The following MICALL2 variants were observed in gnomAD, a reference collection of about 807,000 sequenced individuals.
MICALL2 encodes the protein MICAL-like protein 2.
Under a neutral mutation model 91.1 loss-of-function variants are expected in MICALL2, and 111 were observed. The observed-to-expected ratio is 1.22, with a 90% confidence interval of 1.04 to 1.43. MICALL2 has a LOEUF of 1.43. MICALL2 is among the 40% of genes most tolerant of loss of function. The pLI, the probability that MICALL2 is intolerant of heterozygous loss-of-function variation, is 0.00. For missense variants in MICALL2, 1,556 were observed against 1,236.0 expected (o/e 1.26, Z -3.88); for synonymous variants, 694 against 525.3 (o/e 1.32, Z -4.39).
intron 16 of MICALL2, 152 bp from the exon 17 acceptor site, chr7:1,434,824 C>T (rs1038264782): frequency 7.4e-5 from 62 of 837,288 alleles, no homozygotes; most frequent in Non-Finnish European, 1.0e-4. Flanking sequence ...TGCCCTCCCA[C>T]GTGAGAACCT....
intron 14 of MICALL2, 48 bp from the exon 15 acceptor site, chr7:1,436,904 C>A: frequency 7.2e-7 from 1 of 1,381,686 alleles, no homozygotes; most frequent in South Asian, 1.3e-5. Context: ...ACTGCCATGC[C>A]CCTCACAGGA....
rs1396172162 is a variant in MICALL2, at chr7:1,437,641, CT to C, written c.2403-34del. Reference sequence around the variant, plus strand: ...ACAGACACGCGTCTGAGGCCTGACTCTGCCGCCCTGTCCCCCGCCTGGCCCG... The same window carrying C: ...ACAGACACGCGTCTGAGGCCTGACTCGCCGCCCTGTCCCCCGCCTGGCCCG... On this transcript the variant is annotated intron_variant, in intron 13 of 16. Transcript: ENST00000297508. 3.9e-6 allele frequency: 6 copies of C among 1,535,062 alleles called. No homozygotes were observed. The Admixed American group carries it at 1.2e-4, about 30-fold the overall frequency.
At position 1,440,056 on chromosome 7, in the gene MICALL2, A is replaced by T. The variant is rs757844706; in HGVS notation, c.1835T>A (p.Leu612Gln). 1.9e-6 allele frequency: 3 copies of T among 1,585,956 alleles called. No homozygotes were observed. The highest frequency in any genetic ancestry group is 2.6e-6 in the Non-Finnish European group (3 of 1,171,110). ...GGCCTCCCCCGCCCTCGGCTCTGCCAGGGCCCGTGGTTCCTTGGGCTTCAG... is the reference window on the plus strand; with the variant it reads ...GGCCTCCCCCGCCCTCGGCTCTGCCTGGGCCCGTGGTTCCTTGGGCTTCAG... ...RTLKPKEPRA[L>Q]AEPRAGEAPR... Residue 612 changes from leucine (L) to glutamine (Q), a missense_variant, in exon 9 of 17, where the codon CTG (leucine) becomes CAG (glutamine). Coordinates refer to ENST00000297508, the MANE Select transcript of MICALL2 (RefSeq NM_182924.4).
Position 1,438,995 on chromosome 7 carries a change from G to A in MICALL2, c.1967C>T (p.Ala656Val), listed in dbSNP as rs758955008. Residue 656 changes from alanine (A) to valine (V), a missense_variant and splice_region_variant, in exon 10 of 17, where the codon GCC becomes GTC. Ala to Val is a moderately conservative substitution (Grantham distance 64). Coordinates refer to ENST00000297508, the MANE Select transcript of MICALL2 (RefSeq NM_182924.4). ...RPASPGPSLP[A>V]RSPSPPRRRR... Reference sequence around the variant, plus strand: ...GCGGCGGGGTGGGGAGGGGGACCTGGCTGCCCCCAGGTGGGGAGACAGAGC... The same window carrying A: ...GCGGCGGGGTGGGGAGGGGGACCTGACTGCCCCCAGGTGGGGAGACAGAGC... 2.5e-6 allele frequency: 4 copies of A among 1,591,432 alleles called. No homozygotes were observed. In the Admixed American group the frequency reaches 5.0e-5, roughly 20 times the overall value.
Position 1,445,059 on chromosome 7 carries a change from G to A in MICALL2, c.1011C>T (p.Arg337=), listed in dbSNP as rs1450848068. The change falls in exon 6 of 17, where the codon CGC becomes CGT. Residue 337 remains arginine, a synonymous_variant. Coordinates refer to ENST00000297508, the MANE Select transcript of MICALL2 (RefSeq NM_182924.4). ...TCGGGGAGCTATTGGTCACACGAGG[G>A]CGGACTTTCCCCTCCGTGGGAGTGG... The part of the protein sequence containing the change: ...LAPTPTEGKV[R]PRVTNSSPMG... 1.3e-6 allele frequency: 2 copies of A among 1,548,018 alleles called. No homozygotes were observed. Among genetic ancestry groups the A allele is most frequent in the African/African-American group, 1.4e-5 (1 of 73,076 alleles).
chr7:1,440,570 C>A (rs1780232889), intron 8 of MICALL2, 21 bp downstream of exon 8: 1 of 1,606,472 alleles, frequency 6.2e-7, no homozygotes, highest in Non-Finnish European at 8.5e-7. Context: ...AGGCCCTGGG[C>A]CAGCCCCACC....
chr7:1,439,789 C>T, intron 9 of MICALL2, 136 bp downstream of exon 9: 1 of 663,982 alleles, frequency 1.5e-6, no homozygotes, highest in Non-Finnish European at 2.3e-6. Flanking sequence ...CCCAGGACTA[C>T]CAGCTTCTCT....
intron 3 of MICALL2, among the ~76,000 whole-genome samples, 192 bp downstream of exon 3, chr7:1,448,427 CG>C (rs1459680643): frequency 6.6e-6 from 1 of 150,968 alleles, no homozygotes; most frequent in Non-Finnish European, 1.5e-5. Context: ...TGCATGGGGC[CG>C]GGGTTGGGGA....
At chr7:1,443,895 C>T (rs868671180) in intron 6 of MICALL2, among the ~76,000 whole-genome samples, 17 of 152,174 alleles carry the variant, frequency 1.1e-4, no homozygotes, top group African/African-American at 4.1e-4. Context: ...CCCCTCTACC[C>T]GTCCACGTCA....
rs1366318950 is a variant in MICALL2 at position 1,446,841 on chromosome 7, C to T, written c.526-13G>A. On this transcript the variant is annotated splice_polypyrimidine_tract_variant and intron_variant, in intron 4 of 16. Transcript: ENST00000297508. Reference sequence around the variant, plus strand: ...CCAATGCCTGGTCCTGGGGAAGATGCCAGCACCTCTCTGAGCAGCCGTCCA... The same window carrying T: ...CCAATGCCTGGTCCTGGGGAAGATGTCAGCACCTCTCTGAGCAGCCGTCCA... 6.4e-7 allele frequency: 1 copy of T among 1,552,212 alleles called. No homozygotes were observed. Among genetic ancestry groups the T allele is most frequent in the South Asian group, 1.2e-5 (1 of 83,174 alleles).
At chr7:1,450,526 G>A (rs1780787743) in intron 1 of MICALL2, 2 of 518,280 alleles carry the variant, frequency 3.9e-6, no homozygotes, top group African/African-American at 1.9e-5. Flanking sequence ...TTCACCTCCT[G>A]TACCCTGACA....
At position 1,444,837 on chromosome 7, in the gene MICALL2, G is replaced by A. The variant is rs778931656; in HGVS notation, c.1233C>T (p.Ser411=). Residue 411 remains serine, a synonymous_variant, in exon 6 of 17, where the codon TCC becomes TCT. Coordinates refer to ENST00000297508, the MANE Select transcript of MICALL2 (RefSeq NM_182924.4). The stretch of plus-strand genomic sequence containing the variant: ...ACTTATTCCGGGCCTGCTGGGTCCT[G>A]GAGGCGGACGGGGTCCAGGCTGGGG... ...VDPPAWTPSA[S]RTQQARNKFF... is the part of the protein sequence containing the mutation. 1.9e-6 allele frequency: 3 copies of A among 1,608,070 alleles called. No individual in the cohort carries two copies. The highest frequency in any genetic ancestry group is 1.7e-5 in the Admixed American group (1 of 59,836).
In MICALL2 at chr7:1,450,275, G is replaced by A. The variant is rs556866916; in HGVS notation, c.157C>T (p.Leu53Phe). The A allele has an allele frequency of 2.5e-6, 4 of 1,613,022 alleles. No individual in the cohort carries two copies. Among genetic ancestry groups the A allele is most frequent in the Admixed American group, 3.3e-5 (2 of 60,026 alleles). ...TTTTCATAAATATTTTCCTTCTTGA[G>A]AGCACTGAAGTTTCTGGAAGATAAA... ...HRPDLINFSA[L>F]KKENIYENNK... The change falls in exon 2 of 17, where the codon CTC becomes TTC. Residue 53 changes from leucine (L) to phenylalanine (F), a missense_variant. Transcript: ENST00000297508.
At chr7:1,444,470 A>G (rs1225952602) in intron 6 of MICALL2, among the ~76,000 whole-genome samples, 182 bp downstream of exon 6, 1 of 152,162 alleles carries the variant, frequency 6.6e-6, no homozygotes, top group African/African-American at 2.4e-5. Context: ...CCCTGACCAC[A>G]GGCACTGCCA....
chr7:1,439,358 C>T, intron 9 of MICALL2: 1 of 251,134 alleles, frequency 4.0e-6, no homozygotes, highest in Non-Finnish European at 7.7e-6. Flanking sequence ...GCATCACATT[C>T]ATGAAACAGA....
chr7:1,440,068 T>C lies in MICALL2; in HGVS notation c.1823A>G (p.Glu608Gly), dbSNP rs761305244. The C allele has an allele frequency of 6.3e-7, 1 of 1,588,344 alleles. No homozygotes were observed. The highest frequency in any genetic ancestry group is 1.1e-5 in the South Asian group (1 of 87,104). The change falls in exon 9 of 17, where the codon GAA becomes GGA. Residue 608 changes from glutamate (E) to glycine (G), a missense_variant. Glu to Gly is a moderately conservative substitution (Grantham distance 98). Transcript: ENST00000297508. The stretch of plus-strand genomic sequence containing the variant: ...CCTCGGCTCTGCCAGGGCCCGTGGT[T>C]CCTTGGGCTTCAGAGTCCTGGGCAG... ...SPAERTLKPK[E>G]PRALAEPRAG...
Position 1,459,461 on chromosome 7 carries a change from G to A in MICALL2, c.-135C>T, listed in dbSNP as rs12702754. 5,995 of 796,866 alleles carry A rather than the reference G, an allele frequency of 7.5e-3. 50 individuals carry two copies. The highest frequency in any genetic ancestry group is 0.019 in the South Asian group (636 of 33,878). The allele number at this position is 796,866 out of a possible 1,614,324, so 49.4% of individuals were successfully genotyped here. ...AGACCCACGGCGCCCAGCCCCAGCTGAGCCGGACTGAGGGCGACGAGTGCC... is the reference window on the plus strand; with the variant it reads ...AGACCCACGGCGCCCAGCCCCAGCTAAGCCGGACTGAGGGCGACGAGTGCC... On this transcript the variant is annotated 5_prime_UTR_variant, in exon 1 of 17. Coordinates refer to ENST00000297508, the MANE Select transcript of MICALL2 (RefSeq NM_182924.4).
intron 6 of MICALL2, among the ~76,000 whole-genome samples, chr7:1,443,477 C>T (rs577088620): frequency 2.0e-5 from 3 of 152,146 alleles, no homozygotes; most frequent in Non-Finnish European, 4.4e-5. Flanking sequence ...TGTACTTGGT[C>T]GAATGGTGAC....
At chr7:1,440,560 A>AG (rs751549585) in intron 8 of MICALL2, 31 bp downstream of exon 8, 1 of 1,577,386 alleles carries the variant, frequency 6.3e-7, no homozygotes, top group East Asian at 2.2e-5. Flanking sequence ...ATGGTGTACC[A>AG]GGCCCTGGGC....
Sources: allele counts gnomAD v4.1 joint callset (sites outside exome capture counted in the v4.1 genomes callset), GRCh38; gene constraint gnomAD v4.1.1; transcripts MANE v1.5; gene names NCBI Gene and HGNC (gene_info 2026-07-23, HGNC 2026-07-21).